Variants in COPA observed in about 807,000 individuals in gnomAD.
COPA encodes the protein coatomer subunit alpha.
COPA carries 10 observed loss-of-function variants against 158.7 expected under a neutral mutation model. The ratio of observed to expected loss-of-function variants is 0.06; its 90% CI spans 0.04 to 0.11. COPA has a LOEUF of 0.11. Ranked by LOEUF, COPA falls within the 10% of genes least tolerant of loss-of-function variation. COPA has a pLI of 1.00. For missense variants in COPA, 1,065 were observed against 1,536.7 expected (o/e 0.69, Z 5.13); for synonymous variants, 462 against 542.8 (o/e 0.85, Z 2.07).
At chr1:160,325,725 C>T in intron 6 of COPA, 73 bp from the exon 7 acceptor site, 1 of 998,886 alleles carries the variant, frequency 1.0e-6, no homozygotes, top group Non-Finnish European at 1.6e-6. Flanking sequence ...ATCAGAAACA[C>T]AGAAATTACA....
intron 8 of COPA, among the ~76,000 whole-genome samples, chr1:160,322,897 G>C (rs1659371983): frequency 1.3e-5 from 2 of 151,994 alleles, no homozygotes; most frequent in Admixed American, 6.6e-5. Context: ...CCCCATGTTT[G>C]TTTATTGCAG....
intron 21 of COPA, 47 bp from the exon 22 acceptor site, chr1:160,296,196 T>A: frequency 6.4e-7 from 1 of 1,553,354 alleles, no homozygotes; most frequent in Non-Finnish European, 8.9e-7. Flanking sequence ...TCCAAATGCA[T>A]GCTGCTGTGG....
At chr1:160,325,304 G>A (rs1336796234) in intron 7 of COPA, among the ~76,000 whole-genome samples, 4 of 152,054 alleles carry the variant, frequency 2.6e-5, no homozygotes, top group South Asian at 2.1e-4. Flanking sequence ...TGAGGTCTAC[G>A]CCTGGCTTTC....
intron 23 of COPA, among the ~76,000 whole-genome samples, chr1:160,295,333 T>G (rs1251691643): frequency 6.6e-6 from 1 of 152,202 alleles, no homozygotes; most frequent in Non-Finnish European, 1.5e-5. Context: ...AGGGTGGAAG[T>G]GGTGGAGGGT....
intron 21 of COPA, among the ~76,000 whole-genome samples, chr1:160,297,066 G>GT (rs1330577747): frequency 6.6e-6 from 1 of 152,120 alleles, no homozygotes; most frequent in African/African-American, 2.4e-5. Context: ...ATCCAACCAA[G>GT]TGCATTTACT....
chr1:160,319,914 C>CAAAAAAAAA (rs80269064), intron 8 of COPA, among the ~76,000 whole-genome samples: 1 of 75,576 alleles, frequency 1.3e-5, no homozygotes, highest in African/African-American at 5.6e-5. Flanking sequence ...ACACCTATGT[C>CAAAAAAAAA]AAAAAAAAAA....
chr1:160,339,891 A>C lies in COPA; in HGVS notation c.228+18T>G, dbSNP rs1431145451. ...CATCCTCTTTCCTTTATTCTCAGTTATGACAGACCCTCTGTACCTTAATCT... is the reference window on the plus strand; with the variant it reads ...CATCCTCTTTCCTTTATTCTCAGTTCTGACAGACCCTCTGTACCTTAATCT... On this transcript the variant is annotated intron_variant, in intron 3 of 32. Transcript: ENST00000241704. 3 of 1,608,726 alleles carry C rather than the reference A, an allele frequency of 1.9e-6. No individual in the cohort carries two copies. Among genetic ancestry groups the C allele is most frequent in the Non-Finnish European group, 2.6e-6 (3 of 1,175,384 alleles).
Position 160,293,172 on chromosome 1 carries a change from G to A in COPA, c.2817C>T (p.Ala939=). 6.2e-7 allele frequency: 1 copy of A among 1,614,164 alleles called. No homozygotes were observed. The highest frequency in any genetic ancestry group is 8.5e-7 in the Non-Finnish European group (1 of 1,180,026). ...AAAAGCCAAGGTTACTTACCCGCATGGCTGTTTCGAAAGAGCCTGCCAGGA... is the reference window on the plus strand; with the variant it reads ...AAAAGCCAAGGTTACTTACCCGCATAGCTGTTTCGAAAGAGCCTGCCAGGA... ...DHILAGSFET[A]MRLLHDQVGV... The change falls in exon 27 of 33, where the codon GCC becomes GCT. Residue 939 remains alanine, a synonymous_variant. Coordinates refer to ENST00000241704, the MANE Select transcript of COPA (RefSeq NM_004371.4).
chr1:160,322,313 T>C (rs1294258097), intron 8 of COPA, among the ~76,000 whole-genome samples: 1 of 152,164 alleles, frequency 6.6e-6, no homozygotes, highest in African/African-American at 2.4e-5. Flanking sequence ...TCCACAAATC[T>C]ATAGCTAACT....
At position 160,299,123 on chromosome 1, in the gene COPA, C is replaced by T. The variant is rs375445896; in HGVS notation, c.1809G>A (p.Leu603=). 1.9e-6 allele frequency: 3 copies of T among 1,613,936 alleles called. No individual in the cohort carries two copies. The African/African-American group carries it at 4.0e-5, about 22-fold the overall frequency. Residue 603 remains leucine, a synonymous_variant, in exon 18 of 33, where the codon CTG becomes CTA. Coordinates refer to ENST00000241704, the MANE Select transcript of COPA (RefSeq NM_004371.4). ...DPTEFKFKLA[L]INRKYDEVLH... ...ATACCTCATCATATTTTCTGTTGAT[C>T]AGGGCCAGCTTGAATTTGAACTCAG...
At chr1:160,340,406 G>A (rs1338883591) in intron 1 of COPA, 112 bp from the exon 2 acceptor site, 5 of 670,040 alleles carry the variant, frequency 7.5e-6, no homozygotes, top group Admixed American at 2.9e-5. Context: ...TCATTCATTC[G>A]ACATGCTTGA....
intron 8 of COPA, among the ~76,000 whole-genome samples, chr1:160,318,574 C>T (rs1659235678): frequency 1.5e-5 from 2 of 132,606 alleles, no homozygotes; most frequent in Admixed American, 7.9e-5. Flanking sequence ...AGTTCATAGA[C>T]AAACCCAGAA....
At chr1:160,296,170 G>A in intron 21 of COPA, 21 bp from the exon 22 acceptor site, 1 of 1,605,552 alleles carries the variant, frequency 6.2e-7, no homozygotes, top group South Asian at 1.1e-5. Context: ...AACAGACTTT[G>A]TGGTATAGGT....
intron 4 of COPA, 138 bp from the exon 5 acceptor site, chr1:160,333,817 A>G (rs1571183303): frequency 1.7e-6 from 1 of 580,056 alleles, no homozygotes; most frequent in Admixed American, 3.3e-5. Context: ...TTTTGCTATC[A>G]GGTTAGCTGT....
At chr1:160,295,340 G>A (rs1453349527) in intron 23 of COPA, among the ~76,000 whole-genome samples, 1 of 152,190 alleles carries the variant, frequency 6.6e-6, no homozygotes, top group Non-Finnish European at 1.5e-5. Context: ...AAGTGGTGGA[G>A]GGTGATAGCA....
chr1:160,306,560 T>G, intron 14 of COPA, 67 bp from the exon 15 acceptor site: 1 of 1,582,136 alleles, frequency 6.3e-7, no homozygotes, highest in Non-Finnish European at 8.7e-7. Flanking sequence ...CAACTGATGA[T>G]GTTCCTCAGC....
At chr1:160,293,260 C>G (rs1464879778) in intron 26 of COPA, 26 bp from the exon 27 acceptor site, 2 of 1,613,620 alleles carry the variant, frequency 1.2e-6, no homozygotes, top group Non-Finnish European at 1.7e-6. Context: ...AAAACCCAAG[C>G]CAAGTGAAAC....
intron 23 of COPA, 72 bp from the exon 24 acceptor site, chr1:160,294,929 A>G: frequency 1.5e-6 from 2 of 1,302,528 alleles, no homozygotes; most frequent in Middle Eastern, 1.9e-4. Flanking sequence ...TTCTGTAGGC[A>G]GGTTAAATCC....
At chr1:160,340,319 A>G in intron 1 of COPA, 25 bp from the exon 2 acceptor site, 1 of 1,450,860 alleles carries the variant, frequency 6.9e-7, no homozygotes, top group Non-Finnish European at 9.7e-7. Context: ...AAATGATACA[A>G]TGAGCTAACT....
Sources: gnomAD v4.1 joint callset for allele counts (sites outside exome capture counted in the v4.1 genomes callset) on GRCh38, gnomAD v4.1.1 for gene constraint, MANE v1.5 for transcripts, NCBI Gene and HGNC (gene_info 2026-07-23, HGNC 2026-07-21) for gene names.